MPP7: variants seen among roughly 807,000 people sequenced by gnomAD.
The protein encoded by MPP7 is MAGUK p55 subfamily member 7.
A neutral mutation model predicts 76.5 loss-of-function variants in MPP7; 60 were observed. The observed-to-expected ratio is 0.78, with a 90% confidence interval of 0.64 to 0.97. The LOEUF (loss-of-function observed/expected upper bound fraction) is 0.97. MPP7 is among the 50% of genes least tolerant of loss of function. The probability of loss-of-function intolerance (pLI) is 0.00; values close to 1 mark genes in which losing one functional copy is unlikely to be tolerated. For missense variants in MPP7, 641 were observed against 694.0 expected, an observed-to-expected ratio of 0.92 and a Z score of 0.86; for synonymous variants, 237 against 244.5, an observed-to-expected ratio of 0.97 and a Z score of 0.29.
chr10:28,285,935 A>G (rs1327866223), intron 1 of MPP7, among the ~76,000 whole-genome samples: 1 of 152,098 alleles, frequency 6.6e-6, no homozygotes. Context: ...GATTATCTTC[A>G]TCTTAAAAGA....
intron 1 of MPP7, among the ~76,000 whole-genome samples, chr10:28,298,211 C>T (rs953589901): frequency 7.9e-5 from 12 of 152,126 alleles, no homozygotes; most frequent in African/African-American, 2.7e-4. Context: ...ATTGTGAATC[C>T]TTTCCAGGTT....
At chr10:28,169,566 T>C (rs1408610018) in intron 3 of MPP7, among the ~76,000 whole-genome samples, 1 of 152,212 alleles carries the variant, frequency 6.6e-6, no homozygotes, top group Non-Finnish European at 1.5e-5. Flanking sequence ...TTTACAATAC[T>C]GAGTCTCCCT....
chr10:28,202,159 C>T lies in MPP7; in HGVS notation c.150G>A (p.Leu50=), dbSNP rs1837793171. The change falls in exon 3 of 17, where the codon TTG becomes TTA. Residue 50 remains leucine, a synonymous_variant. Coordinates refer to ENST00000683449, the MANE Select transcript of MPP7 (RefSeq NM_001318170.2). The stretch of plus-strand genomic sequence containing the variant: ...TGACATCAGCATGGTTTACCTTTAC[C>T]AATGAATGCAGGCTTTTTTCACCAA... ...DMFGEKSLHS[L]VKIHEKLHYY... is the part of the protein sequence containing the mutation. 6.2e-7 allele frequency: 1 copy of T among 1,607,594 alleles called. No homozygotes were observed. Among genetic ancestry groups the T allele is most frequent in the African/African-American group, 1.3e-5 (1 of 74,870 alleles).
chr10:28,316,006 C>A (rs755219080), intron 2 of MPP7, among the ~76,000 whole-genome samples: 1 of 152,094 alleles, frequency 6.6e-6, no homozygotes, highest in Non-Finnish European at 1.5e-5. Flanking sequence ...CTCAAAATTG[C>A]CAAGGTAATC....
Position 28,160,750 on chromosome 10 carries a change from C to T in MPP7, c.157-10691G>A, listed in dbSNP as rs138107125. 3.5e-4 allele frequency among the ~76,000 whole-genome samples: 54 copies of T among 152,270 alleles called. 1 individual carries two copies. The East Asian group carries it at 9.6e-3, about 27-fold the overall frequency. The stretch of plus-strand genomic sequence containing the variant: ...ATTAATACTTTTTCCCTTACAAACA[C>T]GGTCTTCTGAATCTGGCAATTTACC... On this transcript the variant is annotated intron_variant, in intron 3 of 16. Coordinates refer to ENST00000683449, the MANE Select transcript of MPP7 (RefSeq NM_001318170.2).
At chr10:28,199,576 T>C (rs946725867) in intron 3 of MPP7, among the ~76,000 whole-genome samples, 16 of 151,798 alleles carry the variant, frequency 1.1e-4, no homozygotes, top group African/African-American at 3.9e-4. Flanking sequence ...AAGAGGTCTA[T>C]GTATTTAAAA....
chr10:28,173,210 A>G (rs946427816), intron 3 of MPP7, among the ~76,000 whole-genome samples: 1 of 151,146 alleles, frequency 6.6e-6, no homozygotes, highest in Non-Finnish European at 1.5e-5. Context: ...GCTCAGACTC[A>G]ATAGGTGAGT....
chr10:28,256,290 A>G (rs1308227229), intron 1 of MPP7, among the ~76,000 whole-genome samples: 2 of 151,574 alleles, frequency 1.3e-5, no homozygotes, highest in Non-Finnish European at 2.9e-5. Context: ...ACTGCCCTGC[A>G]ACTCCACATT....
At chr10:28,296,685 T>C (rs1841044469) in intron 1 of MPP7, among the ~76,000 whole-genome samples, 1 of 152,202 alleles carries the variant, frequency 6.6e-6, no homozygotes, top group Non-Finnish European at 1.5e-5. Flanking sequence ...TGGTCTCCTC[T>C]CTTTCATAAG....
intron 1 of MPP7, among the ~76,000 whole-genome samples, chr10:28,270,293 C>G (rs1315526328): frequency 6.6e-6 from 1 of 152,146 alleles, no homozygotes; most frequent in Non-Finnish European, 1.5e-5. Context: ...TGGTTCTCCT[C>G]TAATGCCTAA....
chr10:28,057,841 C>A, intron 15 of MPP7: 1 of 1,259,862 alleles, frequency 7.9e-7, no homozygotes, highest in Non-Finnish European at 1.0e-6. Context: ...GAAGGAGAAA[C>A]CATGGTCCCT....
intron 15 of MPP7, chr10:28,057,907 T>C (rs564862010): frequency 3.4e-6 from 4 of 1,181,452 alleles, no homozygotes; most frequent in East Asian, 1.4e-4. Context: ...TATGGTTTGA[T>C]AGGGAATTGA....
At chr10:28,267,394 C>T (rs1202780783) in intron 1 of MPP7, among the ~76,000 whole-genome samples, 1 of 152,104 alleles carries the variant, frequency 6.6e-6, no homozygotes, top group Non-Finnish European at 1.5e-5. Context: ...CTTCACAGAG[C>T]TTATAATCTA....
chr10:28,208,962 G>A (rs1838038816), intron 2 of MPP7, among the ~76,000 whole-genome samples: 1 of 152,092 alleles, frequency 6.6e-6, no homozygotes, highest in Non-Finnish European at 1.5e-5. Context: ...AAGACAGTGA[G>A]TGAGTTGTAG....
At chr10:28,120,142 G>A in intron 10 of MPP7, 52 bp downstream of exon 10, 1 of 1,546,780 alleles carries the variant, frequency 6.5e-7, no homozygotes, top group Admixed American at 1.9e-5. Context: ...ATATTTTGCA[G>A]AGAACAAAAG....
In MPP7 at chr10:28,322,295, C is replaced by T. The variant is rs370385266; in HGVS notation, c.-132+7634G>A. ...AAAGCTGGATGTCTTGCGGTTCCTG[C>T]TCTGAAGAAGTAGTATTAAAAGAAA... On this transcript the variant is annotated intron_variant, in intron 2 of 11. Coordinates refer to the MPP7 transcript ENST00000441595. Among the ~76,000 whole-genome samples, 15 of 152,124 alleles carry T rather than the reference C, an allele frequency of 9.9e-5. No individual in the cohort carries two copies. In the East Asian group the frequency reaches 2.5e-3, roughly 26 times the overall value.
intron 2 of MPP7, among the ~76,000 whole-genome samples, chr10:28,211,520 CT>C (rs1378812805): frequency 1.3e-5 from 2 of 151,828 alleles, no homozygotes; most frequent in African/African-American, 4.8e-5. Flanking sequence ...AGAATATTAT[CT>C]TTATATAAGA....
intron 2 of MPP7, among the ~76,000 whole-genome samples, chr10:28,311,963 T>G (rs11007007): frequency 2.6e-5 from 4 of 152,012 alleles, no homozygotes; most frequent in Non-Finnish European, 4.4e-5. Flanking sequence ...AAAAGATCAA[T>G]TTTTTTTCTG....
At chr10:28,247,235 T>C (rs1040236632) in intron 1 of MPP7, among the ~76,000 whole-genome samples, 1 of 152,240 alleles carries the variant, frequency 6.6e-6, no homozygotes, top group African/African-American at 2.4e-5. Flanking sequence ...GATGATTTCA[T>C]GTGTTTACTG....
Sources: gnomAD v4.1 joint callset for allele counts (sites outside exome capture counted in the v4.1 genomes callset) on GRCh38, gnomAD v4.1.1 for gene constraint, MANE v1.5 for transcripts, NCBI Gene and HGNC (gene_info 2026-07-23, HGNC 2026-07-21) for gene names.